The following CCNT2 variants were observed in gnomAD, a reference collection of about 807,000 sequenced individuals.
The protein encoded by CCNT2 is cyclin-T2.
CCNT2 carries 18 observed loss-of-function variants against 70.0 expected under a neutral mutation model. The observed-to-expected ratio is 0.26, with a 90% CI of 0.18 to 0.38. CCNT2 has a LOEUF of 0.38. Ranked by LOEUF, CCNT2 falls within the 10% of genes least tolerant of loss-of-function variation. CCNT2 has a pLI of 1.00. For synonymous variants in CCNT2, 334 were observed against 313.3 expected (o/e 1.07, Z -0.70); for missense variants, 734 against 890.2 (o/e 0.82, Z 2.23).
At position 134,954,533 on chromosome 2, in the gene CCNT2, AGAC is replaced by A; in HGVS notation, c.2079_2081del (p.Glu693_Thr694delinsAsp). The A allele has an allele frequency of 6.2e-7, 1 of 1,614,140 alleles. No individual in the cohort carries two copies. The highest frequency in any genetic ancestry group is 8.5e-7 in the Non-Finnish European group (1 of 1,179,958). On this transcript the variant is annotated inframe_deletion, in exon 9 of 9. Coordinates refer to ENST00000264157, the MANE Select transcript of CCNT2 (RefSeq NM_058241.3). ...GTGAAACTGGACAAGAAGCCAGTGG[AGAC>A]CAACGGTCCTGATGCCAATCACGAG...
chr2:134,953,716 G>C lies in CCNT2; in HGVS notation c.1261G>C (p.Gly421Arg). ...THKAGSSKHH[G>R]PISTTPGIIP... ...TAAAGCAGGGAGCAGTAAACACCAT[G>C]GGCCAATTTCCACTACTCCAGGAAT... The change falls in exon 9 of 9, where the codon GGG (glycine) becomes CGG (arginine). Residue 421 changes from glycine to arginine, a missense_variant. Transcript: ENST00000264157. The C allele has an allele frequency of 6.2e-7, 1 of 1,613,852 alleles. No individual in the cohort carries two copies.
chr2:134,954,388 T>C lies in CCNT2; in HGVS notation c.1933T>C (p.Ser645Pro), dbSNP rs1328513018. 2 of 1,614,150 alleles carry C rather than the reference T, an allele frequency of 1.2e-6. No individual in the cohort carries two copies. Among genetic ancestry groups the C allele is most frequent in the Non-Finnish European group, 8.5e-7 (1 of 1,179,992 alleles). Residue 645 changes from serine to proline, a missense_variant, in exon 9 of 9, where the codon TCT becomes CCT. By Grantham distance (74) the Ser-to-Pro change is moderately conservative. Around this residue, in one of 3 missense-constraint regions of CCNT2, gnomAD observed 532 missense variants for 556.9 expected, o/e 0.96. Transcript: ENST00000264157. Reference sequence around the variant, plus strand: ...AAGTTCCAAAAGTTCAGGTAGTTCATCTAGTTCTTCCTCCTCTGTTAAGCA... The same window carrying C: ...AAGTTCCAAAAGTTCAGGTAGTTCACCTAGTTCTTCCTCCTCTGTTAAGCA... ...SKSSKSSGSSSSSSSSVKQYI... is the reference protein window; with the variant it reads ...SKSSKSSGSSPSSSSSVKQYI...
chr2:134,930,986 GAC>G (rs751586393), intron 2 of CCNT2, among the ~76,000 whole-genome samples: 28 of 144,230 alleles, frequency 1.9e-4, no homozygotes, highest in Non-Finnish European at 3.2e-4. Context: ...TTTTTTTTGA[GAC>G]ATCTCACTCT....
Position 134,953,561 on chromosome 2 carries a change from A to G in CCNT2, c.1106A>G (p.Glu369Gly). 1 of 1,614,176 alleles carries G rather than the reference A, an allele frequency of 6.2e-7. No homozygotes were observed. The highest frequency in any genetic ancestry group is 2.2e-5 in the East Asian group (1 of 44,886). Residue 369 changes from glutamate (E) to glycine (G), a missense_variant, in exon 9 of 9, where the codon GAG (glutamate) becomes GGG (glycine). By Grantham distance (98) the Glu-to-Gly change is moderately conservative. This residue lies in a region of CCNT2 where 532 missense variants were observed against 556.9 expected (regional missense o/e 0.96). Coordinates refer to ENST00000264157, the MANE Select transcript of CCNT2 (RefSeq NM_058241.3). ...GAACAGCTATATTCACAGAAACAGGAGACATCTTTGTCTGGTAGCCAGTAC... is the reference window on the plus strand; with the variant it reads ...GAACAGCTATATTCACAGAAACAGGGGACATCTTTGTCTGGTAGCCAGTAC... ...RTEQLYSQKQ[E>G]TSLSGSQYNI... is the part of the protein sequence containing the mutation.
At chr2:134,934,589 A>C (rs1287766248) in intron 2 of CCNT2, among the ~76,000 whole-genome samples, 1 of 152,228 alleles carries the variant, frequency 6.6e-6, no homozygotes, top group African/African-American at 2.4e-5. Flanking sequence ...ATACTCACAA[A>C]ATATTTATCT....
At chr2:134,942,975 T>C in intron 5 of CCNT2, 3 of 985,408 alleles carry the variant, frequency 3.0e-6, no homozygotes, top group Non-Finnish European at 3.6e-6. Flanking sequence ...TTCAGTCAAG[T>C]GTGGGCCAAT....
Position 134,956,884 on chromosome 2 carries a change from T to G in CCNT2, c.*2236T>G, listed in dbSNP as rs2105099899. The G allele has an allele frequency of 6.5e-6, 1 of 152,728 alleles. No homozygotes were observed. Among genetic ancestry groups the G allele is most frequent in the Non-Finnish European group, 1.5e-5 (1 of 67,994 alleles). The allele number at this position is 152,728 out of a possible 1,614,324, so 9.5% of individuals were successfully genotyped here. On this transcript the variant is annotated 3_prime_UTR_variant, in exon 9 of 9. Coordinates refer to ENST00000264157, the MANE Select transcript of CCNT2 (RefSeq NM_058241.3). ...TGGACAGTTAAAAAGATAGCTAGTG[T>G]ATATTGTTATGGGTCAGTACTTATT...
At chr2:134,932,888 A>C (rs1289239888) in intron 2 of CCNT2, among the ~76,000 whole-genome samples, 2 of 152,234 alleles carry the variant, frequency 1.3e-5, no homozygotes, top group Non-Finnish European at 2.9e-5. Flanking sequence ...GTAAGGTTAT[A>C]CAACTATCCC....
rs143675396 is a variant in CCNT2, at chr2:134,927,311, T to G, written c.240+7420T>G. 1.9e-4 allele frequency among the ~76,000 whole-genome samples: 29 copies of G among 152,322 alleles called. No individual in the cohort carries two copies. The East Asian group carries it at 5.6e-3, about 29-fold the overall frequency. ...ATTCCTGAAGCGGCTTAAAATTTTT[T>G]TTTGCAAAATTAAATGATTGTGAAA... On this transcript the variant is annotated intron_variant, in intron 2 of 8. Transcript: ENST00000264157.
chr2:134,953,671 G>T lies in CCNT2; in HGVS notation c.1216G>T (p.Val406Phe). The change falls in exon 9 of 9, where the codon GTT becomes TTT. Residue 406 changes from valine (V) to phenylalanine (F), a missense_variant. Val to Phe is a conservative substitution (Grantham distance 50). Coordinates refer to ENST00000264157, the MANE Select transcript of CCNT2 (RefSeq NM_058241.3). ...TGACAAAATTTCAGATCATTCTTCT[G>T]TTAAGCAAGAATATACTCATAAAGC... ...RPDKISDHSS[V>F]KQEYTHKAGS... 1.2e-6 allele frequency: 2 copies of T among 1,613,878 alleles called. No homozygotes were observed. Among genetic ancestry groups the T allele is most frequent in the Non-Finnish European group, 1.7e-6 (2 of 1,179,818 alleles).
chr2:134,954,213 C>T lies in CCNT2; in HGVS notation c.1758C>T (p.Gly586=). The T allele has an allele frequency of 4.3e-6, 7 of 1,614,086 alleles. No individual in the cohort carries two copies. Among genetic ancestry groups the T allele is most frequent in the Non-Finnish European group, 5.1e-6 (6 of 1,180,012 alleles). Residue 586 remains glycine, a synonymous_variant, in exon 9 of 9, where the codon GGC becomes GGT. Coordinates refer to ENST00000264157, the MANE Select transcript of CCNT2 (RefSeq NM_058241.3). The stretch of plus-strand genomic sequence containing the variant: ...CGCATAGTGGCAGCAGCAGCGGTGG[C>T]AGTAAACACAGTGCCGACGGAATAC... The part of the protein sequence containing the change: ...SHSHSGSSSG[G]SKHSADGIPP...
chr2:134,937,021 A>G (rs1273838370), intron 3 of CCNT2, 52 bp downstream of exon 3: 1 of 1,373,618 alleles, frequency 7.3e-7, no homozygotes, highest in East Asian at 2.3e-5. Context: ...AAACTTTTTC[A>G]TAATGTAGGC....
chr2:134,939,452 T>C (rs1479772632), intron 4 of CCNT2, among the ~76,000 whole-genome samples: 1 of 151,728 alleles, frequency 6.6e-6, no homozygotes, highest in African/African-American at 2.4e-5. Context: ...TCACCTTTTT[T>C]ATTTTATTTA....
intron 5 of CCNT2, chr2:134,943,303 A>G: frequency 2.3e-6 from 1 of 426,558 alleles, no homozygotes; most frequent in Non-Finnish European, 3.1e-6. Flanking sequence ...CAGGAGGCCA[A>G]GGTGGGAGGA....
In CCNT2 at chr2:134,953,885, C is replaced by G; in HGVS notation, c.1430C>G (p.Ser477Cys). The G allele has an allele frequency of 6.2e-7, 1 of 1,613,992 alleles. No homozygotes were observed. The highest frequency in any genetic ancestry group is 8.5e-7 in the Non-Finnish European group (1 of 1,179,990). The change falls in exon 9 of 9, where the codon TCT (serine) becomes TGT (cysteine). Residue 477 changes from serine (S) to cysteine (C), a missense_variant. By Grantham distance (112) the Ser-to-Cys change is moderately radical (BLOSUM62 -1). Transcript: ENST00000264157. ...QGQSQAASSS[S>C]VTSPIKMKIP... ...CAGTCACAGGCAGCCAGCAGCAGTT[C>G]TGTTACTTCTCCCATTAAAATGAAA...
At chr2:134,948,042 T>C in intron 7 of CCNT2, 143 bp downstream of exon 7, 3 of 466,184 alleles carry the variant, frequency 6.4e-6, no homozygotes, top group East Asian at 6.5e-5. Context: ...AAATAGAGTC[T>C]GGAAGCTGTG....
intron 7 of CCNT2, among the ~76,000 whole-genome samples, chr2:134,950,373 C>G (rs1682388280): frequency 6.6e-6 from 1 of 152,072 alleles, no homozygotes; most frequent in African/African-American, 2.4e-5. Flanking sequence ...AAAGGCAATT[C>G]AAAATTAAAG....
chr2:134,931,529 T>C (rs1272482666), intron 2 of CCNT2, among the ~76,000 whole-genome samples: 1 of 152,112 alleles, frequency 6.6e-6, no homozygotes, highest in Non-Finnish European at 1.5e-5. Flanking sequence ...AAGATTGTTT[T>C]GGCTATTCTT....
At chr2:134,924,698 C>T (rs1168676497) in intron 2 of CCNT2, among the ~76,000 whole-genome samples, 2 of 152,198 alleles carry the variant, frequency 1.3e-5, no homozygotes, top group Non-Finnish European at 2.9e-5. Context: ...TTCCCCCCAC[C>T]TCGACCTCCC....
Sources: gnomAD v4.1 joint callset for allele counts (sites outside exome capture counted in the v4.1 genomes callset) on GRCh38, gnomAD v4.1.1 for gene constraint, gnomAD v4.1.1 regional missense constraint, MANE v1.5 for transcripts, NCBI Gene and HGNC (gene_info 2026-07-23, HGNC 2026-07-21) for gene names.